The following HAPLN1 variants were observed in gnomAD, a reference collection of about 807,000 sequenced individuals.
The protein encoded by HAPLN1 is Cartilage link protein.
HAPLN1 carries 13 observed loss-of-function variants against 36.5 expected under a neutral mutation model. The ratio of observed to expected loss-of-function variants is 0.36; its 90% CI spans 0.23 to 0.57. HAPLN1 has a LOEUF of 0.57. HAPLN1 is among the 20% of genes least tolerant of loss of function. The pLI is 0.83. For synonymous variants in HAPLN1, 202 were observed against 169.8 expected, an observed-to-expected ratio of 1.19 and a Z score of -1.48; for missense variants, 407 against 439.7, an observed-to-expected ratio of 0.93 and a Z score of 0.66.
At chr5:83,659,371 C>G (rs1404190628) in intron 2 of HAPLN1, among the ~76,000 whole-genome samples, 3 of 152,030 alleles carry the variant, frequency 2.0e-5, no homozygotes, top group Non-Finnish European at 4.4e-5. Flanking sequence ...ATGTGTGCTT[C>G]TTACCATTTA....
At chr5:83,642,127 A>T (rs1173253535) in intron 4 of HAPLN1, among the ~76,000 whole-genome samples, 1 of 152,186 alleles carries the variant, frequency 6.6e-6, no homozygotes, top group Non-Finnish European at 1.5e-5. Flanking sequence ...AGCAAGGGCT[A>T]TTTAAATTCT....
chr5:83,646,302 T>C (rs1749875818), intron 3 of HAPLN1, among the ~76,000 whole-genome samples: 1 of 152,238 alleles, frequency 6.6e-6, no homozygotes, highest in Admixed American at 6.5e-5. Flanking sequence ...TATTTTGGCA[T>C]CTGGAATGCA....
chr5:83,643,770 CG>C (rs1462599430), intron 4 of HAPLN1, among the ~76,000 whole-genome samples: 1 of 152,152 alleles, frequency 6.6e-6, no homozygotes, highest in Non-Finnish European at 1.5e-5. Flanking sequence ...CATTTTACAC[CG>C]GGCTGCACAA....
At chr5:83,657,795 C>G (rs1296709655) in intron 2 of HAPLN1, among the ~76,000 whole-genome samples, 1 of 143,658 alleles carries the variant, frequency 7.0e-6, no homozygotes, top group African/African-American at 2.6e-5. Flanking sequence ...TTTCCTAGAT[C>G]AATAATAATT....
At position 83,644,768 on chromosome 5, in the gene HAPLN1, T is replaced by C. The variant is rs139998216; in HGVS notation, c.473-103A>G. 470 of 800,536 alleles carry C rather than the reference T, an allele frequency of 5.9e-4. 9 individuals are homozygous for C. In the African/African-American group the frequency reaches 7.4e-3, roughly 13 times the overall value. The allele number at this position is 800,536 out of a possible 1,614,324, so 49.6% of individuals were successfully genotyped here. The stretch of plus-strand genomic sequence containing the variant: ...AAAACCTAACAGACCCTCCATCAGA[T>C]GAGACAGTAGTTTTTCGTCAACTAG... On this transcript the variant is annotated intron_variant, in intron 3 of 4. Transcript: ENST00000274341.
At chr5:83,642,582 G>A (rs1749732712) in intron 4 of HAPLN1, among the ~76,000 whole-genome samples, 1 of 152,288 alleles carries the variant, frequency 6.6e-6, no homozygotes, top group Non-Finnish European at 1.5e-5. Flanking sequence ...CTGACTGAAA[G>A]TGATAAATAC....
At chr5:83,644,822 T>C (rs1749809611) in intron 3 of HAPLN1, among the ~76,000 whole-genome samples, 157 bp from the exon 4 acceptor site, 1 of 152,226 alleles carries the variant, frequency 6.6e-6, no homozygotes, top group Non-Finnish European at 1.5e-5. Flanking sequence ...CCTTTCCCCT[T>C]CAAGCAGCCT....
chr5:83,657,025 C>T (rs758709155), intron 2 of HAPLN1, among the ~76,000 whole-genome samples: 1 of 151,910 alleles, frequency 6.6e-6, no homozygotes, highest in Non-Finnish European at 1.5e-5. Flanking sequence ...GCGGTTTATA[C>T]CCGCAGAAAT....
At chr5:83,667,514 AT>A (rs1750586503) in intron 2 of HAPLN1, among the ~76,000 whole-genome samples, 1 of 152,092 alleles carries the variant, frequency 6.6e-6, no homozygotes, top group African/African-American at 2.4e-5. Context: ...ATTTGTAGAT[AT>A]TTTTCCTGGT....
rs113129265 is a variant in HAPLN1, at chr5:83,640,083, T to C, written c.*1413A>G. On this transcript the variant is annotated 3_prime_UTR_variant, in exon 5 of 5. Coordinates refer to ENST00000274341, the MANE Select transcript of HAPLN1 (RefSeq NM_001884.4). ...ACCGGCTATGTCATACTTGGATTAT[T>C]ATAGTAAATCCCATTTATTAGAACT... 1.3e-5 allele frequency: 2 copies of C among 152,146 alleles called. No individual in the cohort carries two copies. The highest frequency in any genetic ancestry group is 4.8e-5 in the African/African-American group (2 of 41,470). 9.4% of individuals were successfully genotyped at this position (152,146 alleles called of 1,614,324 possible).
intron 1 of HAPLN1, among the ~76,000 whole-genome samples, chr5:83,681,504 A>C (rs1448909260): frequency 6.6e-6 from 1 of 152,036 alleles, no homozygotes; most frequent in Non-Finnish European, 1.5e-5. Flanking sequence ...TTTTATTTTA[A>C]TTAATTAATT....
intron 2 of HAPLN1, among the ~76,000 whole-genome samples, chr5:83,658,718 A>G (rs901190413): frequency 3.3e-5 from 5 of 152,150 alleles, no homozygotes; most frequent in African/African-American, 1.2e-4. Flanking sequence ...TCTTTTGGTC[A>G]TGATTCTAAT....
At chr5:83,648,231 T>C (rs1474315788) in intron 3 of HAPLN1, among the ~76,000 whole-genome samples, 1 of 151,450 alleles carries the variant, frequency 6.6e-6, no homozygotes, top group Admixed American at 6.6e-5. Context: ...ATGCCGTGTT[T>C]CCATATCTAA....
chr5:83,678,737 TAAAG>T (rs1159852945), intron 1 of HAPLN1, among the ~76,000 whole-genome samples: 1 of 151,626 alleles, frequency 6.6e-6, no homozygotes, highest in Non-Finnish European at 1.5e-5. Context: ...AGAGGTGAAA[TAAAG>T]AGGAAGAAAA....
chr5:83,687,681 GA>G (rs1357385974), intron 1 of HAPLN1, among the ~76,000 whole-genome samples: 1 of 152,148 alleles, frequency 6.6e-6, no homozygotes, highest in African/African-American at 2.4e-5. Flanking sequence ...CACATATGCT[GA>G]AAAAATTTCT....
At chr5:83,667,877 G>C (rs1750597823) in intron 2 of HAPLN1, among the ~76,000 whole-genome samples, 1 of 152,218 alleles carries the variant, frequency 6.6e-6, no homozygotes, top group Non-Finnish European at 1.5e-5. Flanking sequence ...GCTGCAACTT[G>C]TCTTTGGCGG....
chr5:83,692,206 A>C (rs1208112783), intron 1 of HAPLN1, among the ~76,000 whole-genome samples: 1 of 151,958 alleles, frequency 6.6e-6, no homozygotes, highest in Non-Finnish European at 1.5e-5. Context: ...GAGAAGGGGC[A>C]GAAAAAAATT....
At chr5:83,665,674 T>C (rs1056624709) in intron 2 of HAPLN1, among the ~76,000 whole-genome samples, 1 of 152,214 alleles carries the variant, frequency 6.6e-6, no homozygotes, top group African/African-American at 2.4e-5. Flanking sequence ...ACATGATGGA[T>C]TATGGCCTTT....
At chr5:83,716,105 G>A (rs1054124737) in intron 1 of HAPLN1, among the ~76,000 whole-genome samples, 43 of 151,876 alleles carry the variant, frequency 2.8e-4, no homozygotes, top group African/African-American at 5.3e-4. Flanking sequence ...ATAACAGAGC[G>A]AAAATGAGAA....
Sources: gnomAD v4.1 joint callset for allele counts (sites outside exome capture counted in the v4.1 genomes callset) on GRCh38, gnomAD v4.1.1 for gene constraint, MANE v1.5 for transcripts, NCBI Gene and HGNC (gene_info 2026-07-23, HGNC 2026-07-21) for gene names.